Variants in KCNJ15 observed in about 807,000 individuals in gnomAD.
KCNJ15 encodes the protein ATP-sensitive inward rectifier potassium channel 15.
Under a neutral mutation model 23.0 loss-of-function variants are expected in KCNJ15, and 14 were observed. The observed-to-expected ratio is 0.61, with a 90% CI of 0.40 to 0.95. KCNJ15 has a LOEUF of 0.95. KCNJ15 is among the 40% of genes least tolerant of loss of function. KCNJ15 has a pLI of 0.00. For synonymous variants in KCNJ15, 185 were observed against 183.2 expected (o/e 1.01, Z -0.08); for missense variants, 388 against 461.8 (o/e 0.84, Z 1.46).
At position 38,307,130 on chromosome 21, in the gene KCNJ15, G is replaced by A. The variant is rs963360171; in HGVS notation, c.*6741G>A. ...GCTGAGCTACTATTTGGTGCATGTC[G>A]GAAATCTCACACTAACTGTGGATAC... On this transcript the variant is annotated 3_prime_UTR_variant, in exon 3 of 3. Coordinates refer to ENST00000398938, the MANE Select transcript of KCNJ15 (RefSeq NM_170736.3). 3 of 152,124 alleles carry A rather than the reference G, an allele frequency of 2.0e-5. No individual in the cohort carries two copies. Among genetic ancestry groups the A allele is most frequent in the South Asian group, 2.1e-4 (1 of 4,830 alleles). 9.4% of individuals were successfully genotyped at this position (152,124 alleles called of 1,614,324 possible). A position where few individuals can be genotyped will look rare whatever the true frequency, so the allele number is the denominator to read the frequency against.
At chr21:38,274,457 A>G (rs1204872550) in intron 1 of KCNJ15, among the ~76,000 whole-genome samples, 3 of 152,206 alleles carry the variant, frequency 2.0e-5, no homozygotes, top group Admixed American at 6.5e-5. Flanking sequence ...CACGTTTTCT[A>G]TAACTTGTCT....
chr21:38,284,754 T>C (rs1033639770), intron 1 of KCNJ15, among the ~76,000 whole-genome samples: 4 of 152,154 alleles, frequency 2.6e-5, no homozygotes, highest in African/African-American at 9.7e-5. Flanking sequence ...TGCTCCTACC[T>C]GACACTGCTT....
intron 1 of KCNJ15, among the ~76,000 whole-genome samples, chr21:38,250,373 C>A (rs1030695850): frequency 6.6e-6 from 1 of 152,078 alleles, no homozygotes; most frequent in African/African-American, 2.4e-5. Context: ...CAGTATGTTA[C>A]AAATGAGGAC....
At chr21:38,247,156 G>A (rs1374977371) in intron 1 of KCNJ15, among the ~76,000 whole-genome samples, 12 of 147,420 alleles carry the variant, frequency 8.1e-5, no homozygotes, top group Non-Finnish European at 4.5e-5. Flanking sequence ...ATGGATGCAT[G>A]GATGTATAGG....
rs1365213054 is a variant in KCNJ15, at chr21:38,307,023, T to C, written c.*6634T>C. 2.6e-5 allele frequency: 4 copies of C among 152,200 alleles called. No individual in the cohort carries two copies. The highest frequency in any genetic ancestry group is 9.7e-5 in the African/African-American group (4 of 41,438). 9.4% of individuals were successfully genotyped at this position (152,200 alleles called of 1,614,324 possible). On this transcript the variant is annotated 3_prime_UTR_variant, in exon 3 of 3. Coordinates refer to ENST00000398938, the MANE Select transcript of KCNJ15 (RefSeq NM_170736.3). ...GATCCTTATACAGTGTTGCAAGATA[T>C]ATGTCCTTGCTTTCCCATGGTTCTT...
intron 1 of KCNJ15, among the ~76,000 whole-genome samples, chr21:38,284,367 G>A (rs751620947): frequency 6.6e-6 from 1 of 152,176 alleles, no homozygotes; most frequent in South Asian, 2.1e-4. Context: ...TGGAGTCATC[G>A]GTGAGACCTC....
intron 1 of KCNJ15, chr21:38,238,097 G>A: frequency 8.6e-6 from 3 of 347,238 alleles, no homozygotes; most frequent in Admixed American, 7.8e-5. Context: ...GAGGCAGTGA[G>A]TATGGCTGAA....
At chr21:38,288,023 T>TTC (rs1289609641) in intron 1 of KCNJ15, among the ~76,000 whole-genome samples, 1 of 100,090 alleles carries the variant, frequency 1.0e-5, no homozygotes, top group African/African-American at 3.3e-5. Context: ...AACTTGTTTT[T>TTC]TTCTTTGTTT....
chr21:38,231,282 T>C (rs1988732747), intron 1 of KCNJ15, among the ~76,000 whole-genome samples: 1 of 152,022 alleles, frequency 6.6e-6, no homozygotes, highest in African/African-American at 2.4e-5. Context: ...AATTAATTTG[T>C]GTATATTTAT....
intron 1 of KCNJ15, among the ~76,000 whole-genome samples, chr21:38,282,448 G>A (rs1983453403): frequency 6.6e-6 from 1 of 152,144 alleles, no homozygotes; most frequent in African/African-American, 2.4e-5. Context: ...TTTGAGAGAT[G>A]TACAACTAAT....
intron 1 of KCNJ15, among the ~76,000 whole-genome samples, chr21:38,282,383 T>C (rs972993295): frequency 3.7e-4 from 56 of 152,166 alleles, no homozygotes; most frequent in African/African-American, 1.3e-3. Context: ...AAGTAATTTG[T>C]TGGATGAAAT....
At chr21:38,247,753 A>AT (rs1398031855) in intron 1 of KCNJ15, among the ~76,000 whole-genome samples, 1 of 152,188 alleles carries the variant, frequency 6.6e-6, no homozygotes, top group African/African-American at 2.4e-5. Flanking sequence ...TGTCATTTTT[A>AT]TTTCAGCTTG....
intron 1 of KCNJ15, among the ~76,000 whole-genome samples, chr21:38,283,859 G>T (rs538273147): frequency 3.3e-5 from 5 of 151,528 alleles, no homozygotes; most frequent in Admixed American, 3.3e-4. Flanking sequence ...GTGAATTCCT[G>T]GTGCCTTTGT....
rs564933767 is a variant in KCNJ15 at position 38,274,173 on chromosome 21, G to A, written c.-117+16988G>A. ...TTCCGCCTGGGCAAAGTCATGTTAG[G>A]TGTAAGCAAAGACGTGAACTAGTGT... is the stretch of plus-strand genomic sequence containing the variant. On this transcript the variant is annotated intron_variant, in intron 1 of 2. Coordinates refer to ENST00000398938, the MANE Select transcript of KCNJ15 (RefSeq NM_170736.3). 1.7e-4 allele frequency among the ~76,000 whole-genome samples: 26 copies of A among 152,346 alleles called. No homozygotes were observed. In the South Asian group the frequency reaches 2.9e-3, roughly 17 times the overall value.
chr21:38,281,693 C>T (rs762366291), intron 1 of KCNJ15, among the ~76,000 whole-genome samples: 1 of 152,134 alleles, frequency 6.6e-6, no homozygotes, highest in African/African-American at 2.4e-5. Context: ...TGGCTTGATG[C>T]CATGTATTTG....
intron 1 of KCNJ15, among the ~76,000 whole-genome samples, chr21:38,273,830 AGGTCATTT>A (rs1189848109): frequency 6.6e-6 from 1 of 152,230 alleles, no homozygotes; most frequent in Non-Finnish European, 1.5e-5. Context: ...GAAGACTTTG[AGGTCATTT>A]CATCCAACCC....
At chr21:38,275,333 C>A (rs1982556858) in intron 1 of KCNJ15, among the ~76,000 whole-genome samples, 2 of 151,998 alleles carry the variant, frequency 1.3e-5, no homozygotes, top group East Asian at 3.9e-4. Flanking sequence ...TTTTAAAATT[C>A]ATTGCCAGTG....
upstream of KCNJ15, among the ~76,000 whole-genome samples, chr21:38,252,551 A>G (rs949222687): frequency 1.3e-5 from 2 of 152,192 alleles, no homozygotes; most frequent in Non-Finnish European, 2.9e-5. Flanking sequence ...TTCTATTAGT[A>G]ACAAGAAAGC....
At chr21:38,261,070 A>G (rs552740846) in intron 1 of KCNJ15, among the ~76,000 whole-genome samples, 12 of 145,692 alleles carry the variant, frequency 8.2e-5, no homozygotes, top group South Asian at 7.1e-4. Context: ...GGTGACGCAG[A>G]GAGGGAACAC....
Sources: gnomAD v4.1 joint callset for allele counts (sites outside exome capture counted in the v4.1 genomes callset) on GRCh38, gnomAD v4.1.1 for gene constraint, MANE v1.5 for transcripts, NCBI Gene and HGNC (gene_info 2026-07-23, HGNC 2026-07-21) for gene names.